Variants in DEPTOR observed in about 807,000 individuals in gnomAD.
The protein encoded by DEPTOR is DEP domain containing MTOR interacting protein.
DEPTOR carries 41 observed loss-of-function variants against 41.6 expected under a neutral mutation model. The ratio of observed to expected loss-of-function variants is 0.98; its 90% CI spans 0.77 to 1.28. The LOEUF is 1.28. Ranked by LOEUF, DEPTOR falls within the 50% of genes most tolerant of loss-of-function variation. DEPTOR has a pLI of 0.00. For missense variants in DEPTOR, 514 were observed against 527.9 expected (o/e 0.97, Z 0.26); for synonymous variants, 195 against 192.3 (o/e 1.01, Z -0.12).
intron 7 of DEPTOR, 143 bp from the exon 8 acceptor site, chr8:120,008,886 C>A: frequency 1.4e-6 from 1 of 728,710 alleles, no homozygotes; most frequent in Non-Finnish European, 2.3e-6. Flanking sequence ...AGCAGTGTTC[C>A]AATCCCCTGG....
At chr8:120,045,654 C>T (rs1813143741) in intron 8 of DEPTOR, among the ~76,000 whole-genome samples, 1 of 152,168 alleles carries the variant, frequency 6.6e-6, no homozygotes, top group Admixed American at 6.6e-5. Context: ...GGATTGCAGA[C>T]GTGAGCCACT....
intron 1 of DEPTOR, among the ~76,000 whole-genome samples, chr8:119,894,851 G>A (rs919935215): frequency 3.3e-5 from 5 of 152,068 alleles, no homozygotes; most frequent in African/African-American, 1.2e-4. Context: ...AACTACCCTG[G>A]GGTCTATTCA....
At chr8:119,902,530 C>T (rs11987628) in intron 1 of DEPTOR, among the ~76,000 whole-genome samples, 32,886 of 151,804 alleles carry the variant, frequency 0.22, 4,089 homozygotes, top group African/African-American at 0.32. Context: ...GTAGAGATGG[C>T]GTTTTACTAT....
intron 3 of DEPTOR, among the ~76,000 whole-genome samples, chr8:119,958,164 G>A (rs1474615186): frequency 2.0e-5 from 3 of 152,186 alleles, no homozygotes; most frequent in African/African-American, 7.2e-5. Flanking sequence ...TTGCGTGGTG[G>A]TTACTCTATT....
intron 1 of DEPTOR, among the ~76,000 whole-genome samples, chr8:119,926,644 C>T (rs1018895930): frequency 2.6e-5 from 4 of 152,208 alleles, no homozygotes; most frequent in African/African-American, 9.6e-5. Flanking sequence ...GGCAGCCCTA[C>T]TCTATCACCA....
intron 3 of DEPTOR, among the ~76,000 whole-genome samples, chr8:119,956,105 A>G (rs551664490): frequency 6.6e-6 from 1 of 152,294 alleles, no homozygotes; most frequent in Non-Finnish European, 1.5e-5. Context: ...ACCCCAGACA[A>G]TGCATACAAT....
At chr8:119,953,660 A>G (rs1205986396) in intron 3 of DEPTOR, among the ~76,000 whole-genome samples, 1 of 151,926 alleles carries the variant, frequency 6.6e-6, no homozygotes, top group Non-Finnish European at 1.5e-5. Context: ...TAATAGACTC[A>G]GTGGGGAAAC....
At chr8:119,996,996 G>A (rs1812271466) in intron 4 of DEPTOR, among the ~76,000 whole-genome samples, 1 of 152,170 alleles carries the variant, frequency 6.6e-6, no homozygotes, top group Admixed American at 6.5e-5. Flanking sequence ...CCACAAGAGA[G>A]CCACATTGGT....
intron 1 of DEPTOR, among the ~76,000 whole-genome samples, chr8:119,904,243 C>G (rs1022518493): frequency 4.0e-5 from 6 of 151,832 alleles, no homozygotes; most frequent in Non-Finnish European, 7.4e-5. Flanking sequence ...TCAGCCGCCC[C>G]GAGTAGTTGG....
intron 1 of DEPTOR, among the ~76,000 whole-genome samples, chr8:119,902,967 T>C (rs1287751707): frequency 6.6e-6 from 1 of 152,170 alleles, no homozygotes; most frequent in African/African-American, 2.4e-5. Flanking sequence ...ACAAGACAAG[T>C]GAAATGTACT....
intron 3 of DEPTOR, among the ~76,000 whole-genome samples, chr8:119,943,465 C>T (rs1190898569): frequency 2.0e-5 from 3 of 152,058 alleles, no homozygotes; most frequent in Non-Finnish European, 4.4e-5. Context: ...CATCAGATCT[C>T]GTGAGAACTC....
At chr8:119,971,052 A>G (rs1161808174) in intron 4 of DEPTOR, among the ~76,000 whole-genome samples, 1 of 152,082 alleles carries the variant, frequency 6.6e-6, no homozygotes, top group Non-Finnish European at 1.5e-5. Flanking sequence ...AACACGGTGA[A>G]ACCCCGTCTC....
rs748436233 is a variant in DEPTOR, at chr8:119,951,697, A to G, written c.426-13535A>G. 5.9e-5 allele frequency among the ~76,000 whole-genome samples: 9 copies of G among 152,208 alleles called. No individual in the cohort carries two copies. In the South Asian group the frequency reaches 6.2e-4, roughly 11 times the overall value. On this transcript the variant is annotated intron_variant, in intron 3 of 8. Transcript: ENST00000286234. Reference sequence around the variant, plus strand: ...TATGGTATTCACTTAGTTTTTAGTCAGTTGATTAGAAGATATTTGTTGAGC... The same window carrying G: ...TATGGTATTCACTTAGTTTTTAGTCGGTTGATTAGAAGATATTTGTTGAGC...
intron 4 of DEPTOR, among the ~76,000 whole-genome samples, chr8:119,978,302 G>T (rs1048941607): frequency 6.6e-5 from 10 of 152,162 alleles, no homozygotes; most frequent in Non-Finnish European, 7.3e-5. Flanking sequence ...CCTCAGCAGG[G>T]TTTAAGTGGT....
At chr8:120,017,250 T>G (rs1336203819) in intron 8 of DEPTOR, among the ~76,000 whole-genome samples, 2 of 152,178 alleles carry the variant, frequency 1.3e-5, no homozygotes, top group East Asian at 3.9e-4. Flanking sequence ...GCTGGGTGGG[T>G]AGTGTTCGCC....
chr8:119,952,498 G>A (rs1288139207), intron 3 of DEPTOR, among the ~76,000 whole-genome samples: 1 of 152,178 alleles, frequency 6.6e-6, no homozygotes, highest in African/African-American at 2.4e-5. Context: ...TGTGCAGAAC[G>A]TGCAGGTTTG....
chr8:119,934,526 A>T (rs766620630), intron 3 of DEPTOR, among the ~76,000 whole-genome samples: 7 of 152,086 alleles, frequency 4.6e-5, no homozygotes, highest in South Asian at 2.1e-4. Flanking sequence ...AGGCTGACTA[A>T]ATCTCTGTGA....
At chr8:119,999,679 T>C (rs1812319428) in intron 4 of DEPTOR, among the ~76,000 whole-genome samples, 1 of 152,228 alleles carries the variant, frequency 6.6e-6, no homozygotes, top group Admixed American at 6.5e-5. Flanking sequence ...AAGCAGGCTT[T>C]ATTATTGGGT....
chr8:120,003,231 C>G, intron 6 of DEPTOR, 120 bp downstream of exon 6: 1 of 1,493,608 alleles, frequency 6.7e-7, no homozygotes, highest in Non-Finnish European at 9.0e-7. Context: ...AGAGCATGCT[C>G]TTGGGGTCCA....
Sources: gnomAD v4.1 joint callset for allele counts (sites outside exome capture counted in the v4.1 genomes callset) on GRCh38, gnomAD v4.1.1 for gene constraint, MANE v1.5 for transcripts, NCBI Gene and HGNC (gene_info 2026-07-23, HGNC 2026-07-21) for gene names.